The following COL19A1 variants were observed in gnomAD, a reference collection of about 807,000 sequenced individuals.
COL19A1 encodes collagen alpha-1(XIX) chain.
In COL19A1, 159 loss-of-function variants were observed where a neutral mutation model predicts 190.2. The ratio of observed to expected loss-of-function variants is 0.84; its 90% CI spans 0.73 to 0.95. COL19A1 has a LOEUF of 0.95. Among genes scored for constraint, COL19A1 ranks in the 40% least tolerant of loss-of-function variants. The probability of loss-of-function intolerance (pLI) is 0.00; values close to 1 mark genes in which losing one functional copy is unlikely to be tolerated. For missense variants in COL19A1, 1,418 were observed against 1,431.9 expected, an observed-to-expected ratio of 0.99 and a Z score of 0.16; for synonymous variants, 509 against 458.9, an observed-to-expected ratio of 1.11 and a Z score of -1.39.
chr6:70,100,830 G>C (rs1412660597), intron 15 of COL19A1, among the ~76,000 whole-genome samples: 2 of 151,988 alleles, frequency 1.3e-5, no homozygotes, highest in East Asian at 3.9e-4. Context: ...TGTTAACTAG[G>C]GCTATTTATA....
At position 70,186,136 on chromosome 6, in the gene COL19A1, A is replaced by C. The variant is rs954960381; in HGVS notation, c.2856+1221A>C. On this transcript the variant is annotated intron_variant, in intron 46 of 50. Coordinates refer to ENST00000620364, the MANE Select transcript of COL19A1 (RefSeq NM_001858.6). ...GATCTATATCTACCTTTTAATTGCT[A>C]TATGTTATTCTACTATTTGACCATA... is the stretch of plus-strand genomic sequence containing the variant. Among the ~76,000 whole-genome samples, 4 of 152,086 alleles carry C rather than the reference A, an allele frequency of 2.6e-5. No homozygotes were observed. In the East Asian group the frequency reaches 7.7e-4, roughly 29 times the overall value.
chr6:69,897,111 T>G (rs1377657472), intron 2 of COL19A1, among the ~76,000 whole-genome samples: 1 of 152,220 alleles, frequency 6.6e-6, no homozygotes, highest in Non-Finnish European at 1.5e-5. Flanking sequence ...CTGTTTTACC[T>G]TTCATATTTA....
intron 7 of COL19A1, 127 bp downstream of exon 7, chr6:69,932,990 C>A: frequency 1.8e-6 from 1 of 543,078 alleles, no homozygotes; most frequent in Admixed American, 3.6e-5. Context: ...GTAATTTATT[C>A]CTAGTAAGGA....
intron 4 of COL19A1, among the ~76,000 whole-genome samples, chr6:69,911,902 AC>A (rs966284675): frequency 6.6e-6 from 1 of 152,122 alleles, no homozygotes; most frequent in Admixed American, 6.5e-5. Context: ...CCCTTTACTC[AC>A]AGACTTCTTA....
At chr6:69,885,358 A>T (rs1768848168) in intron 2 of COL19A1, among the ~76,000 whole-genome samples, 1 of 152,308 alleles carries the variant, frequency 6.6e-6, no homozygotes, top group African/African-American at 2.4e-5. Context: ...ATAAATATTT[A>T]AAAAATAAAT....
chr6:70,151,123 A>G (rs141624639), intron 30 of COL19A1, among the ~76,000 whole-genome samples: 10 of 152,328 alleles, frequency 6.6e-5, no homozygotes, highest in African/African-American at 2.4e-4. Context: ...CCATGAAAAT[A>G]TAAAATAGGG....
At chr6:70,034,421 C>T (rs1779234762) in intron 13 of COL19A1, 123 bp downstream of exon 13, 1 of 704,962 alleles carries the variant, frequency 1.4e-6, no homozygotes, top group East Asian at 2.6e-5. Flanking sequence ...AAAGCTGTTA[C>T]CTTAATAGCA....
At chr6:69,928,731 G>A (rs573989532) in intron 5 of COL19A1, among the ~76,000 whole-genome samples, 32 of 152,264 alleles carry the variant, frequency 2.1e-4, no homozygotes, top group East Asian at 1.9e-3. Context: ...AAGAGATGGC[G>A]TTTGGGCTGC....
intron 4 of COL19A1, among the ~76,000 whole-genome samples, chr6:69,905,627 T>C (rs1289552464): frequency 6.6e-6 from 1 of 152,172 alleles, no homozygotes; most frequent in Non-Finnish European, 1.5e-5. Flanking sequence ...GGCTACATGG[T>C]TTTGATAACA....
chr6:69,925,693 T>C (rs1380680965), intron 4 of COL19A1, among the ~76,000 whole-genome samples: 6 of 152,210 alleles, frequency 3.9e-5, no homozygotes, highest in Non-Finnish European at 7.3e-5. Context: ...GCCATTTTCA[T>C]GATATTGGTT....
chr6:70,097,647 C>T (rs1468656289), intron 15 of COL19A1, among the ~76,000 whole-genome samples: 1 of 152,108 alleles, frequency 6.6e-6, no homozygotes, highest in Non-Finnish European at 1.5e-5. Flanking sequence ...AAATTATTGT[C>T]TAATAATCTC....
intron 4 of COL19A1, among the ~76,000 whole-genome samples, chr6:69,914,600 T>C (rs1771172315): frequency 6.6e-6 from 1 of 152,212 alleles, no homozygotes; most frequent in African/African-American, 2.4e-5. Flanking sequence ...CATTTAGCCA[T>C]TTAATTTTAT....
chr6:69,915,905 C>T (rs887522190), intron 4 of COL19A1, among the ~76,000 whole-genome samples: 1 of 148,826 alleles, frequency 6.7e-6, no homozygotes, highest in Admixed American at 6.7e-5. Flanking sequence ...ATTTTCACTA[C>T]TACTTCCTGA....
At chr6:70,176,686 T>C (rs1765830574) in intron 42 of COL19A1, 122 bp downstream of exon 42, 1 of 745,032 alleles carries the variant, frequency 1.3e-6, no homozygotes. Context: ...ATTAGGTTCC[T>C]GACAATTCTA....
At chr6:70,140,637 G>T (rs1583008564) in intron 19 of COL19A1, among the ~76,000 whole-genome samples, 1 of 152,058 alleles carries the variant, frequency 6.6e-6, no homozygotes, top group East Asian at 1.9e-4. Context: ...ATGTGTGTGT[G>T]TGATCGTTTT....
At chr6:69,947,797 C>CT (rs1346929798) in intron 9 of COL19A1, among the ~76,000 whole-genome samples, 1 of 151,744 alleles carries the variant, frequency 6.6e-6, no homozygotes, top group Non-Finnish European at 1.5e-5. Context: ...ATTGATGCTA[C>CT]TTTTTCCTTT....
chr6:69,922,862 C>T (rs1252821036), intron 4 of COL19A1, among the ~76,000 whole-genome samples: 1 of 152,062 alleles, frequency 6.6e-6, no homozygotes, highest in Non-Finnish European at 1.5e-5. Flanking sequence ...CTGGATCACT[C>T]ACTCATTCAA....
chr6:70,117,888 C>T (rs985209089), intron 16 of COL19A1, among the ~76,000 whole-genome samples: 6 of 152,194 alleles, frequency 3.9e-5, no homozygotes, highest in African/African-American at 1.4e-4. Flanking sequence ...TTCCATAAAC[C>T]TTTAACCACT....
chr6:69,886,760 T>A (rs58145130), intron 2 of COL19A1, among the ~76,000 whole-genome samples: 2,760 of 152,266 alleles, frequency 0.018, 93 homozygotes, highest in African/African-American at 0.062. Flanking sequence ...TCAAAATACA[T>A]GCACATTTAC....
Sources: gnomAD v4.1 joint callset for allele counts (sites outside exome capture counted in the v4.1 genomes callset) on GRCh38, gnomAD v4.1.1 for gene constraint, MANE v1.5 for transcripts, NCBI Gene and HGNC (gene_info 2026-07-23, HGNC 2026-07-21) for gene names.